GPNMB: variants seen among roughly 807,000 people sequenced by gnomAD.
The protein encoded by GPNMB is glycoprotein nmb.
A neutral mutation model predicts 57.3 loss-of-function variants in GPNMB; 71 were observed. The ratio of observed to expected loss-of-function variants is 1.24; its 90% confidence interval spans 1.02 to 1.51. The LOEUF is 1.51. Ranked by LOEUF, GPNMB falls within the 40% of genes most tolerant of loss-of-function variation. The pLI is 0.00. For missense variants in GPNMB, 677 were observed against 691.9 expected (o/e 0.98, Z 0.24); for synonymous variants, 253 against 263.2 (o/e 0.96, Z 0.38).
At chr7:23,247,110 C>A in intron 1 of GPNMB, 183 bp downstream of exon 1, 1 of 609,800 alleles carries the variant, frequency 1.6e-6, no homozygotes, top group Non-Finnish European at 2.9e-6. Context: ...ATGCCTCCAG[C>A]TCCATTCTTT....
chr7:23,262,610 T>TCTC (rs1446160792), intron 6 of GPNMB, among the ~76,000 whole-genome samples: 146 of 39,472 alleles, frequency 3.7e-3, no homozygotes, highest in Non-Finnish European at 4.9e-3. Context: ...ACCATTCTCT[T>TCTC]TTTTTTTTTT....
At position 23,274,049 on chromosome 7, in the gene GPNMB, A is replaced by G; in HGVS notation, c.1524-16A>G. 2 of 1,583,668 alleles carry G rather than the reference A, an allele frequency of 1.3e-6. No homozygotes were observed. Among genetic ancestry groups the G allele is most frequent in the East Asian group, 4.5e-5 (2 of 44,684 alleles). The stretch of plus-strand genomic sequence containing the variant: ...GAAGATCTTTTAAAAATAACTAACC[A>G]ACAGATTGTTTTCAGAAAACACAAG... On this transcript the variant is annotated splice_polypyrimidine_tract_variant and intron_variant, in intron 10 of 10. Coordinates refer to ENST00000258733, the MANE Select transcript of GPNMB (RefSeq NM_002510.3).
chr7:23,246,984 T>C, intron 1 of GPNMB, 57 bp downstream of exon 1: 2 of 1,214,080 alleles, frequency 1.6e-6, no homozygotes, highest in Non-Finnish European at 2.5e-6. Context: ...GCTGAAATGA[T>C]GGCTAATAAT....
intron 4 of GPNMB, 131 bp from the exon 5 acceptor site, chr7:23,259,849 A>G (rs1367122732): frequency 2.8e-6 from 2 of 718,130 alleles, no homozygotes; most frequent in African/African-American, 1.8e-5. Flanking sequence ...TTTCTGAAGC[A>G]GCACCACAGG....
chr7:23,260,128 C>G lies in GPNMB; in HGVS notation c.690C>G (p.Tyr230Ter). 6.2e-7 allele frequency: 1 copy of G among 1,613,792 alleles called. No homozygotes were observed. Residue 230 changes from tyrosine (Y) to a stop codon, truncating the protein, a stop_gained, in exon 5 of 11, where the codon TAC (tyrosine) becomes TAG (stop). Coordinates refer to ENST00000258733, the MANE Select transcript of GPNMB (RefSeq NM_002510.3). LOFTEE classifies it high-confidence loss of function. The part of the protein sequence containing the change: ...YVPIAQVKDV[Y>*]VVTDQIPVFV... ...CCATCGCACAAGTGAAAGATGTGTA[C>G]GTGGTAACAGGTGAGTGGTGTGAAC... is the stretch of plus-strand genomic sequence containing the variant.
At position 23,256,940 on chromosome 7, in the gene GPNMB, C is replaced by T. The variant is rs1256665483; in HGVS notation, c.416C>T (p.Ser139Leu). The change falls in exon 4 of 11, where the codon TCA becomes TTA. Residue 139 changes from serine to leucine, a missense_variant. Transcript: ENST00000258733. ...DPYVYNWTAW[S>L]EDSDGENGTG... ...TATGTTTACAACTGGACAGCATGGT[C>T]AGAGGACAGTGACGGGGAAAATGGC... 1.9e-6 allele frequency: 3 copies of T among 1,614,028 alleles called. No homozygotes were observed. The African/African-American group carries it at 4.0e-5, about 22-fold the overall frequency.
At position 23,274,468 on chromosome 7, in the gene GPNMB, T is replaced by C. The variant is rs1783288707; in HGVS notation, c.*244T>C. 8.0e-6 allele frequency: 3 copies of C among 375,216 alleles called. No individual in the cohort carries two copies. The highest frequency in any genetic ancestry group is 1.4e-5 in the Non-Finnish European group (3 of 208,996). The allele number at this position is 375,216 out of a possible 1,614,324, so 23.2% of individuals were successfully genotyped here. A position where few individuals can be genotyped will look rare whatever the true frequency, so the allele number is the denominator to read the frequency against. On this transcript the variant is annotated 3_prime_UTR_variant, in exon 11 of 11. Coordinates refer to ENST00000258733, the MANE Select transcript of GPNMB (RefSeq NM_002510.3). ...CAAGGCTTCTTTTCATTATTTTTTA[T>C]GTTTCACTTATAAAGTCTTAGGTAA... is the stretch of plus-strand genomic sequence containing the variant.
Position 23,260,086 on chromosome 7 carries a change from T to C in GPNMB, c.648T>C (p.His216=). The change falls in exon 5 of 11, where the codon CAT becomes CAC. Residue 216 remains histidine, a synonymous_variant. Transcript: ENST00000258733. The part of the protein sequence containing the change: ...QLMEVTVYRR[H]GRAYVPIAQV... ...TGGAAGTGACTGTCTACAGAAGACA[T>C]GGACGGGCATATGTTCCCATCGCAC... 1.2e-6 allele frequency: 2 copies of C among 1,614,036 alleles called. No homozygotes were observed. Among genetic ancestry groups the C allele is most frequent in the Non-Finnish European group, 1.7e-6 (2 of 1,179,902 alleles).
At chr7:23,249,847 G>A (rs1426172739) in intron 1 of GPNMB, among the ~76,000 whole-genome samples, 1 of 152,166 alleles carries the variant, frequency 6.6e-6, no homozygotes, top group East Asian at 1.9e-4. Context: ...TTGGTTGTAT[G>A]ATAGTTGCAT....
chr7:23,260,306 G>C (rs1310464599), intron 5 of GPNMB, 150 bp from the exon 6 acceptor site: 2 of 984,356 alleles, frequency 2.0e-6, no homozygotes, highest in Non-Finnish European at 3.0e-6. Context: ...GAATAGCTTA[G>C]GGAAACCCCA....
intron 1 of GPNMB, among the ~76,000 whole-genome samples, chr7:23,251,172 C>G (rs1016096679): frequency 6.6e-6 from 1 of 152,202 alleles, no homozygotes; most frequent in Non-Finnish European, 1.5e-5. Flanking sequence ...CTTTGCTGCT[C>G]TTTCCCATTC....
chr7:23,270,156 G>A lies in GPNMB; in HGVS notation c.1410G>A (p.Leu470=). The A allele has an allele frequency of 6.2e-7, 1 of 1,613,972 alleles. No individual in the cohort carries two copies. The highest frequency in any genetic ancestry group is 1.1e-5 in the South Asian group (1 of 91,070). Residue 470 remains leucine, a synonymous_variant, in exon 9 of 11, where the codon CTG becomes CTA. Transcript: ENST00000258733. ...DDTSLALTST[L]ISVPDRDPAS... is the part of the protein sequence containing the mutation. ...CAAGCCTGGCTCTCACGAGCACCCT[G>A]ATTTCTGTTCCTGACAGAGGTGAGT...
At chr7:23,263,312 A>G (rs1782974587) in intron 6 of GPNMB, among the ~76,000 whole-genome samples, 1 of 152,184 alleles carries the variant, frequency 6.6e-6, no homozygotes, top group Admixed American at 6.5e-5. Flanking sequence ...AGGTGACACC[A>G]TAAGATATAA....
intron 2 of GPNMB, 68 bp downstream of exon 2, chr7:23,253,527 C>A (rs1031486645): frequency 7.6e-7 from 1 of 1,319,522 alleles, no homozygotes; most frequent in African/African-American, 1.5e-5. Flanking sequence ...GATGGTAAAG[C>A]CTTTTAGATC....
intron 5 of GPNMB, 130 bp downstream of exon 5, chr7:23,260,268 T>A: frequency 9.4e-7 from 1 of 1,059,610 alleles, no homozygotes; most frequent in Non-Finnish European, 1.4e-6. Context: ...CTTGTGTATT[T>A]AATTAGTTGT....
At chr7:23,257,299 T>C in intron 4 of GPNMB, 1 of 589,386 alleles carries the variant, frequency 1.7e-6, no homozygotes, top group Non-Finnish European at 3.0e-6. Flanking sequence ...GATTAAGCTC[T>C]TTTTCAAAAA....
At chr7:23,266,453 A>T (rs1422210565) in intron 6 of GPNMB, 64 bp from the exon 7 acceptor site, 1 of 1,541,648 alleles carries the variant, frequency 6.5e-7, no homozygotes. Flanking sequence ...ATTTTTTATT[A>T]TATCACATGT....
chr7:23,246,921 G>A lies in GPNMB; in HGVS notation c.64G>A (p.Ala22Thr). The change falls in exon 1 of 11, where the codon GCC becomes ACC. Residue 22 changes from alanine to threonine, a missense_variant. Transcript: ENST00000258733. ...LLAARLPLDA[A>T]KRFHDVLGNE... Reference sequence around the variant, plus strand: ...GGCTGCAAGATTGCCACTTGATGCCGCCAAACGTGAGTAACCCTTAATTTC... The same window carrying A: ...GGCTGCAAGATTGCCACTTGATGCCACCAAACGTGAGTAACCCTTAATTTC... 1.2e-6 allele frequency: 2 copies of A among 1,609,546 alleles called. No homozygotes were observed. The highest frequency in any genetic ancestry group is 1.7e-6 in the Non-Finnish European group (2 of 1,175,866).
At chr7:23,256,663 C>A (rs1042259382) in intron 3 of GPNMB, among the ~76,000 whole-genome samples, 11 of 152,148 alleles carry the variant, frequency 7.2e-5, no homozygotes, top group African/African-American at 2.7e-4. Flanking sequence ...TTGGATTTTT[C>A]TGAATAATTG....
Sources: gnomAD v4.1 joint callset for allele counts (sites outside exome capture counted in the v4.1 genomes callset) on GRCh38, gnomAD v4.1.1 for gene constraint, MANE v1.5 for transcripts, NCBI Gene and HGNC (gene_info 2026-07-23, HGNC 2026-07-21) for gene names.